LTBP1: variants seen among roughly 807,000 people sequenced by gnomAD.
LTBP1 encodes latent-transforming growth factor beta-binding protein 1.
In LTBP1, 129 loss-of-function variants were observed where a neutral mutation model predicts 207.6. That is an observed-to-expected ratio of 0.62 (90% CI 0.54 to 0.72). The LOEUF (loss-of-function observed/expected upper bound fraction) is 0.72, where lower values mean the gene tolerates loss of function less well. Ranked by LOEUF, LTBP1 falls within the 30% of genes least tolerant of loss-of-function variation. The pLI is 0.00. For missense variants in LTBP1, 2,281 were observed against 2,217.2 expected, an observed-to-expected ratio of 1.03 and a Z score of -0.58; for synonymous variants, 963 against 833.7, an observed-to-expected ratio of 1.16 and a Z score of -2.67.
intron 10 of LTBP1, among the ~76,000 whole-genome samples, chr2:33,246,742 C>T (rs2092527490): frequency 6.6e-6 from 1 of 152,098 alleles, no homozygotes; most frequent in Admixed American, 6.5e-5. Context: ...TGAGATGAAC[C>T]CCCCAGAATT....
At chr2:33,387,735 G>GT (rs1275878993) in intron 31 of LTBP1, among the ~76,000 whole-genome samples, 110 of 44,024 alleles carry the variant, frequency 2.5e-3, no homozygotes, top group East Asian at 0.023. Flanking sequence ...GCCTTGGTGG[G>GT]GTTTTTTTTT....
At chr2:33,196,767 C>T (rs910817803) in intron 7 of LTBP1, among the ~76,000 whole-genome samples, 1 of 152,198 alleles carries the variant, frequency 6.6e-6, no homozygotes, top group Non-Finnish European at 1.5e-5. Context: ...CAAGCAGCCT[C>T]ATCCTTGATT....
intron 15 of LTBP1, 115 bp downstream of exon 15, chr2:33,263,507 C>A (rs1159430694): frequency 6.2e-6 from 4 of 645,384 alleles, no homozygotes; most frequent in Admixed American, 2.6e-5. Flanking sequence ...GCCATACTAG[C>A]AAATATTTGG....
At chr2:32,967,369 A>G (rs79967202) in intron 2 of LTBP1, among the ~76,000 whole-genome samples, 17,235 of 151,792 alleles carry the variant, frequency 0.11, 1,141 homozygotes, top group Non-Finnish European at 0.15. Flanking sequence ...TTTGGATTTA[A>G]TTTGCTGCTC....
chr2:33,138,998 A>G (rs931454952), intron 5 of LTBP1, among the ~76,000 whole-genome samples: 1 of 150,444 alleles, frequency 6.6e-6, no homozygotes, highest in Non-Finnish European at 1.5e-5. Flanking sequence ...AGCTGGGACT[A>G]CAGGCGCCCG....
intron 26 of LTBP1, among the ~76,000 whole-genome samples, chr2:33,358,107 A>G (rs1403734479): frequency 6.6e-6 from 1 of 152,188 alleles, no homozygotes. Flanking sequence ...TTTTTAGAAA[A>G]TAATTTGCAT....
Position 32,947,646 on chromosome 2 carries a change from C to T in LTBP1, c.322C>T (p.Pro108Ser), listed in dbSNP as rs1280939655. The T allele has an allele frequency of 7.2e-7, 1 of 1,394,318 alleles. No individual in the cohort carries two copies. Among genetic ancestry groups the T allele is most frequent in the South Asian group, 1.6e-5 (1 of 61,818 alleles). 86.4% of individuals were successfully genotyped at this position (1,394,318 alleles called of 1,614,324 possible). ...LRPPPPPPPEPARPAVPGGQL... is the reference protein window; with the variant it reads ...LRPPPPPPPESARPAVPGGQL... ...ACCGCCGCCGCCGCCGCCGCCGGAG[C>T]CTGCGCGTCCCGCGGTCCCCGGCGG... Residue 108 changes from proline to serine, a missense_variant, in exon 1 of 34, where the codon CCT becomes TCT. By Grantham distance (74) the Pro-to-Ser change is moderately conservative. Transcript: ENST00000404816.
intron 3 of LTBP1, among the ~76,000 whole-genome samples, chr2:33,084,026 A>G (rs2078605844): frequency 6.6e-6 from 1 of 152,124 alleles, no homozygotes; most frequent in Non-Finnish European, 1.5e-5. Flanking sequence ...AGTGTTAATT[A>G]AATTTGCATT....
At chr2:33,322,089 A>G (rs2094363173) in intron 24 of LTBP1, among the ~76,000 whole-genome samples, 1 of 152,108 alleles carries the variant, frequency 6.6e-6, no homozygotes, top group Non-Finnish European at 1.5e-5. Context: ...ATTTGTATAA[A>G]GAAATTCATA....
intron 7 of LTBP1, among the ~76,000 whole-genome samples, chr2:33,198,251 CTTG>C (rs1204800033): frequency 4.8e-4 from 73 of 152,304 alleles, no homozygotes; most frequent in African/African-American, 1.4e-3. Flanking sequence ...ATGAAGCCCA[CTTG>C]ATCATGGTGG....
chr2:33,356,450 T>C lies in LTBP1; in HGVS notation c.4001-4147T>C, dbSNP rs143229188. 6.2e-3 allele frequency among the ~76,000 whole-genome samples: 950 copies of C among 152,112 alleles called. 8 individuals carry two copies. The highest frequency in any genetic ancestry group is 0.022 in the African/African-American group (895 of 41,488). ...ATCCCAGCACTTTGGGAGGCCGAGG[T>C]GGGTGGATCACGAGGTCAGGAGATC... is the stretch of plus-strand genomic sequence containing the variant. On this transcript the variant is annotated intron_variant, in intron 26 of 33. Coordinates refer to ENST00000404816, the MANE Select transcript of LTBP1 (RefSeq NM_206943.4).
At chr2:33,391,839 T>C (rs2095317040) in intron 32 of LTBP1, among the ~76,000 whole-genome samples, 1 of 152,200 alleles carries the variant, frequency 6.6e-6, no homozygotes, top group Non-Finnish European at 1.5e-5. Context: ...GAAATAAACA[T>C]GTTGGTGTCA....
intron 32 of LTBP1, among the ~76,000 whole-genome samples, chr2:33,391,420 C>A (rs1052864137): frequency 6.6e-6 from 1 of 152,022 alleles, no homozygotes; most frequent in Admixed American, 6.5e-5. Flanking sequence ...GTATATGTTA[C>A]GGGTCAGTAA....
intron 19 of LTBP1, chr2:33,285,621 G>A (rs201624392): frequency 1.3e-5 from 2 of 151,714 alleles, no homozygotes; most frequent in East Asian, 3.9e-4. Flanking sequence ...GCTAATTTTT[G>A]TATTTTTAGT....
chr2:33,012,000 C>G (rs1269993439), intron 2 of LTBP1, among the ~76,000 whole-genome samples: 1 of 151,958 alleles, frequency 6.6e-6, no homozygotes, highest in Non-Finnish European at 1.5e-5. Context: ...CCCTGACCCC[C>G]ACTGTGATCA....
chr2:33,386,892 G>A (rs1165018942), intron 31 of LTBP1, among the ~76,000 whole-genome samples: 1 of 148,014 alleles, frequency 6.8e-6, no homozygotes, highest in African/African-American at 2.5e-5. Flanking sequence ...GTGCAGTGGT[G>A]CAATTTCGGC....
At chr2:33,273,559 C>T (rs1021279935) in intron 15 of LTBP1, 97 bp from the exon 16 acceptor site, 7 of 866,174 alleles carry the variant, frequency 8.1e-6, no homozygotes, top group Non-Finnish European at 1.2e-5. Context: ...CAATAATTTG[C>T]TAGTTGGTCA....
Position 33,280,172 on chromosome 2 carries a change from T to G in LTBP1, c.3112+14T>G. 2 of 1,595,564 alleles carry G rather than the reference T, an allele frequency of 1.3e-6. No homozygotes were observed. The highest frequency in any genetic ancestry group is 8.5e-7 in the Non-Finnish European group (1 of 1,172,528). On this transcript the variant is annotated intron_variant, in intron 19 of 33. Coordinates refer to ENST00000404816, the MANE Select transcript of LTBP1 (RefSeq NM_206943.4). ...GACAGTGCCTTGGTAGGTACTATAG[T>G]GTACTTATCAAAGATTTGTTTCTTC...
At chr2:33,180,409 A>G (rs1184893307) in intron 5 of LTBP1, among the ~76,000 whole-genome samples, 1 of 151,554 alleles carries the variant, frequency 6.6e-6, no homozygotes, top group Non-Finnish European at 1.5e-5. Flanking sequence ...TGCATACCGA[A>G]TGAAAAGGCA....
Sources: gnomAD v4.1 joint callset for allele counts (sites outside exome capture counted in the v4.1 genomes callset) on GRCh38, gnomAD v4.1.1 for gene constraint, MANE v1.5 for transcripts, NCBI Gene and HGNC (gene_info 2026-07-23, HGNC 2026-07-21) for gene names.